PACRG: variants seen among roughly 807,000 people sequenced by gnomAD.
PACRG encodes the protein parkin coregulated gene protein.
PACRG carries 29 observed loss-of-function variants against 29.7 expected under a neutral mutation model. The ratio of observed to expected loss-of-function variants is 0.98; its 90% CI spans 0.73 to 1.33. The LOEUF (loss-of-function observed/expected upper bound fraction) is 1.33. Among genes scored for constraint, PACRG ranks in the 40% most tolerant of loss-of-function variants. The pLI, the probability that PACRG is intolerant of heterozygous loss-of-function variation, is 0.00. For synonymous variants in PACRG, 116 were observed against 118.7 expected, an observed-to-expected ratio of 0.98 and a Z score of 0.15; for missense variants, 279 against 316.2, an observed-to-expected ratio of 0.88 and a Z score of 0.89.
chr6:163,193,435 G>T (rs1298051413), intron 4 of PACRG, among the ~76,000 whole-genome samples: 3 of 152,148 alleles, frequency 2.0e-5, no homozygotes, highest in African/African-American at 4.8e-5. Flanking sequence ...TATTCCATTT[G>T]TATTGCTTTA....
At chr6:162,849,634 T>G (rs1250877599) in intron 2 of PACRG, among the ~76,000 whole-genome samples, 1 of 152,254 alleles carries the variant, frequency 6.6e-6, no homozygotes, top group Non-Finnish European at 1.5e-5. Context: ...TCTTCTTGAA[T>G]TGCTGTATTT....
intron 2 of PACRG, among the ~76,000 whole-genome samples, chr6:163,027,420 A>G (rs1336469981): frequency 6.6e-6 from 1 of 152,190 alleles, no homozygotes; most frequent in Non-Finnish European, 1.5e-5. Context: ...ATCTGGAAAC[A>G]TTTCTCTCTT....
At position 163,208,709 on chromosome 6, in the gene PACRG, G is replaced by A. The variant is rs1021758431; in HGVS notation, c.614-106118G>A. Among the ~76,000 whole-genome samples the A allele has an allele frequency of 2.0e-5, 3 of 152,020 alleles. 1 individual carries two copies. Among genetic ancestry groups the A allele is most frequent in the Admixed American group, 2.0e-4 (3 of 15,260 alleles). On this transcript the variant is annotated intron_variant, in intron 4 of 4. Transcript: ENST00000366888. Reference sequence around the variant, plus strand: ...ATCTTCTTTGCATGGAATAAAATGTGAACTAACTTGGAGAAAGGAACACTT... The same window carrying A: ...ATCTTCTTTGCATGGAATAAAATGTAAACTAACTTGGAGAAAGGAACACTT...
chr6:163,268,697 T>C lies in PACRG; in HGVS notation c.614-46130T>C, dbSNP rs143228217. 4.6e-3 allele frequency among the ~76,000 whole-genome samples: 708 copies of C among 152,344 alleles called. 3 individuals carry two copies. Among genetic ancestry groups the C allele is most frequent in the African/African-American group, 0.016 (679 of 41,574 alleles). The stretch of plus-strand genomic sequence containing the variant: ...TTTCATTCTGAATCTTTCCAGGTCA[T>C]GGTTTTGCCTGCTTTTATGTAATAT... On this transcript the variant is annotated intron_variant, in intron 4 of 4. Transcript: ENST00000366888.
intron 4 of PACRG, chr6:163,310,911 C>T (rs566225545): frequency 7.2e-5 from 11 of 152,204 alleles, no homozygotes; most frequent in African/African-American, 2.4e-4. Context: ...TCACGCAGCC[C>T]GGAGGATGCT....
intron 1 of PACRG, among the ~76,000 whole-genome samples, chr6:162,730,948 C>T (rs896794126): frequency 1.3e-5 from 2 of 152,046 alleles, no homozygotes; most frequent in Non-Finnish European, 2.9e-5. Flanking sequence ...ATTTTGTTGT[C>T]TTTATCTTGT....
chr6:162,881,539 A>G (rs1457186256), intron 2 of PACRG, among the ~76,000 whole-genome samples: 1 of 152,212 alleles, frequency 6.6e-6, no homozygotes, highest in African/African-American at 2.4e-5. Context: ...GGATGTTCAC[A>G]TGGCTGAAGA....
intron 2 of PACRG, among the ~76,000 whole-genome samples, chr6:162,824,593 G>A (rs1788122257): frequency 6.6e-6 from 1 of 152,140 alleles, no homozygotes; most frequent in African/African-American, 2.4e-5. Context: ...GTGTCAAGAT[G>A]CTATTTAAAA....
chr6:162,926,178 T>C (rs116404284), intron 2 of PACRG, among the ~76,000 whole-genome samples: 2,307 of 152,204 alleles, frequency 0.015, 60 homozygotes, highest in African/African-American at 0.054. Context: ...TGCAAATATA[T>C]TCCATCCTCA....
intron 2 of PACRG, among the ~76,000 whole-genome samples, chr6:163,031,584 A>G (rs1324439861): frequency 6.6e-6 from 1 of 152,206 alleles, no homozygotes; most frequent in Non-Finnish European, 1.5e-5. Context: ...AGCAAGACAA[A>G]TTTGCTTTAT....
At chr6:162,993,379 TC>T (rs1803649334) in intron 2 of PACRG, among the ~76,000 whole-genome samples, 1 of 60,240 alleles carries the variant, frequency 1.7e-5, no homozygotes, top group Admixed American at 2.1e-4. Context: ...GGAGTCTAAG[TC>T]TCTTTGTAGG....
chr6:162,727,820 G>A (rs916630380), upstream of PACRG: 6 of 750,502 alleles, frequency 8.0e-6, no homozygotes, highest in Non-Finnish European at 1.3e-5. Flanking sequence ...CGCGGAGGGC[G>A]CGGCCCAGGG....
chr6:163,106,240 T>C (rs1476927900), intron 4 of PACRG, among the ~76,000 whole-genome samples: 1 of 152,202 alleles, frequency 6.6e-6, no homozygotes, highest in Non-Finnish European at 1.5e-5. Context: ...TGATAACTTG[T>C]ACAGTTTTCT....
At chr6:163,304,015 C>CACAAAAA (rs1785101301) in intron 4 of PACRG, among the ~76,000 whole-genome samples, 1 of 76,250 alleles carries the variant, frequency 1.3e-5, no homozygotes, top group African/African-American at 5.4e-5. Flanking sequence ...GACTCCATTT[C>CACAAAAA]AAAAAAAAAA....
At chr6:162,831,353 C>G (rs1019486782) in intron 2 of PACRG, among the ~76,000 whole-genome samples, 2 of 152,082 alleles carry the variant, frequency 1.3e-5, no homozygotes, top group Admixed American at 1.3e-4. Flanking sequence ...TTATGATAAG[C>G]CAGACATTGA....
chr6:163,114,607 A>T (rs1815878718), intron 4 of PACRG, among the ~76,000 whole-genome samples: 1 of 152,230 alleles, frequency 6.6e-6, no homozygotes, highest in Admixed American at 6.5e-5. Flanking sequence ...AGACACAGAA[A>T]GAAAAATATT....
At chr6:162,957,204 C>T in intron 2 of PACRG, 1 of 366,322 alleles carries the variant, frequency 2.7e-6, no homozygotes. Flanking sequence ...TGTGTGGGGC[C>T]CAGCTTATGC....
chr6:163,129,151 G>A (rs755553341), intron 4 of PACRG, among the ~76,000 whole-genome samples: 9 of 152,286 alleles, frequency 5.9e-5, no homozygotes, highest in South Asian at 2.1e-4. Context: ...TAGGCCCCAC[G>A]ATTCTCATTC....
At chr6:162,731,298 G>T (rs1175985226) in intron 1 of PACRG, among the ~76,000 whole-genome samples, 1 of 152,044 alleles carries the variant, frequency 6.6e-6, no homozygotes, top group South Asian at 2.1e-4. Context: ...TACAGATATA[G>T]TCAGCTCTTT....
Sources: allele counts gnomAD v4.1 joint callset (sites outside exome capture counted in the v4.1 genomes callset), GRCh38; gene constraint gnomAD v4.1.1; transcripts MANE v1.5; gene names NCBI Gene and HGNC (gene_info 2026-07-23, HGNC 2026-07-21).